Variants in ZDHHC14 observed in about 807,000 individuals in gnomAD.
ZDHHC14 encodes the protein zDHHC palmitoyltransferase 14.
A neutral mutation model predicts 47.7 loss-of-function variants in ZDHHC14; 16 were observed. The ratio of observed to expected loss-of-function variants is 0.34; its 90% CI spans 0.23 to 0.51. The LOEUF (loss-of-function observed/expected upper bound fraction) is 0.51. Ranked by LOEUF, ZDHHC14 falls within the 20% of genes least tolerant of loss-of-function variation. The pLI is 0.97. For missense variants in ZDHHC14, 515 were observed against 662.5 expected (o/e 0.78, Z 2.44); for synonymous variants, 293 against 278.9 (o/e 1.05, Z -0.50).
chr6:157,445,910 T>A (rs1015156370), intron 1 of ZDHHC14, among the ~76,000 whole-genome samples: 1 of 152,136 alleles, frequency 6.6e-6, no homozygotes, highest in African/African-American at 2.4e-5. Context: ...CAGGGCAAAG[T>A]CATCGCTGGG....
rs1441905677 is a variant in ZDHHC14 at position 157,381,726 on chromosome 6, C to A, written c.-296C>A. The A allele has an allele frequency of 2.8e-5, 4 of 145,110 alleles. No individual in the cohort carries two copies. The highest frequency in any genetic ancestry group is 1.5e-5 in the Non-Finnish European group (1 of 65,398). 9.0% of individuals were successfully genotyped at this position (145,110 alleles called of 1,614,324 possible). A position where few individuals can be genotyped will look rare whatever the true frequency, so the allele number is the denominator to read the frequency against. Reference sequence around the variant, plus strand: ...GGCGCTCGGCGACCCGGGGGCCGGCCGGGCTGAGCCCCGCGCCCCGGGACG... The same window carrying A: ...GGCGCTCGGCGACCCGGGGGCCGGCAGGGCTGAGCCCCGCGCCCCGGGACG... On this transcript the variant is annotated 5_prime_UTR_variant, in exon 1 of 9. Transcript: ENST00000359775.
Position 157,501,456 on chromosome 6 carries a change from T to C in ZDHHC14, c.246-41129T>C, listed in dbSNP as rs1422781995. ...AATCTGTTGTATTCTAAATTAGCTG[T>C]ATCTTTCTTATTCTTTAAGATTGCA... On this transcript the variant is annotated intron_variant, in intron 1 of 8. Coordinates refer to ENST00000359775, the MANE Select transcript of ZDHHC14 (RefSeq NM_024630.3). Among the ~76,000 whole-genome samples, 5 of 149,672 alleles carry C rather than the reference T, an allele frequency of 3.3e-5. No individual in the cohort carries two copies. In the East Asian group the frequency reaches 7.7e-4, roughly 23 times the overall value.
chr6:157,662,744 C>T (rs1778398789), intron 8 of ZDHHC14, among the ~76,000 whole-genome samples: 1 of 152,156 alleles, frequency 6.6e-6, no homozygotes, highest in Non-Finnish European at 1.5e-5. Context: ...ATCTGTGAAC[C>T]CAGAGACAGA....
chr6:157,633,438 C>A (rs1321241259), intron 5 of ZDHHC14, among the ~76,000 whole-genome samples: 1 of 152,146 alleles, frequency 6.6e-6, no homozygotes, highest in East Asian at 1.9e-4. Context: ...TCCTCCCAAG[C>A]ATAAATATGG....
chr6:157,592,794 C>G, intron 2 of ZDHHC14, 194 bp from the exon 3 acceptor site: 1 of 1,407,886 alleles, frequency 7.1e-7, no homozygotes, highest in Non-Finnish European at 9.3e-7. Flanking sequence ...GGCCCCTGCA[C>G]GTGTGCAACG....
chr6:157,431,431 A>G (rs1041610405), intron 1 of ZDHHC14, among the ~76,000 whole-genome samples: 1 of 152,212 alleles, frequency 6.6e-6, no homozygotes, highest in Non-Finnish European at 1.5e-5. Context: ...CATAGTGCCC[A>G]TGTCCCATAT....
intron 2 of ZDHHC14, among the ~76,000 whole-genome samples, chr6:157,561,750 C>A (rs933693117): frequency 3.9e-5 from 6 of 152,132 alleles, no homozygotes; most frequent in African/African-American, 1.4e-4. Context: ...TAACCTCCAC[C>A]TCCTGGTTTC....
At chr6:157,424,652 G>A (rs1778180204) in intron 1 of ZDHHC14, among the ~76,000 whole-genome samples, 1 of 152,194 alleles carries the variant, frequency 6.6e-6, no homozygotes, top group African/African-American at 2.4e-5. Context: ...TGGGGGCCCA[G>A]AAACCCTGCC....
At position 157,402,712 on chromosome 6, in the gene ZDHHC14, G is replaced by A. The variant is rs192290166; in HGVS notation, c.245+20446G>A. 6.6e-5 allele frequency among the ~76,000 whole-genome samples: 10 copies of A among 152,236 alleles called. No individual in the cohort carries two copies. The East Asian group carries it at 1.9e-3, about 29-fold the overall frequency. ...TCATTTGAAGATATTAATATTCTCAGACTGGCGATGTACCTCCTCCTTTTC... is the reference window on the plus strand; with the variant it reads ...TCATTTGAAGATATTAATATTCTCAAACTGGCGATGTACCTCCTCCTTTTC... On this transcript the variant is annotated intron_variant, in intron 1 of 8. Coordinates refer to ENST00000359775, the MANE Select transcript of ZDHHC14 (RefSeq NM_024630.3).
intron 1 of ZDHHC14, among the ~76,000 whole-genome samples, chr6:157,412,883 G>T (rs1777899638): frequency 6.6e-6 from 1 of 152,208 alleles, no homozygotes; most frequent in Non-Finnish European, 1.5e-5. Context: ...CCATGAGAAA[G>T]AAGAAAGGCT....
At chr6:157,604,468 A>G (rs1784452526) in intron 3 of ZDHHC14, among the ~76,000 whole-genome samples, 1 of 152,172 alleles carries the variant, frequency 6.6e-6, no homozygotes, top group Non-Finnish European at 1.5e-5. Flanking sequence ...TGTGTTTACT[A>G]GAACAATACA....
chr6:157,517,477 A>G (rs1780738529), intron 1 of ZDHHC14, among the ~76,000 whole-genome samples: 1 of 151,958 alleles, frequency 6.6e-6, no homozygotes, highest in Non-Finnish European at 1.5e-5. Flanking sequence ...ACCTGGCTTA[A>G]TTTTGTATTT....
chr6:157,386,938 G>A (rs1777322682), intron 1 of ZDHHC14, among the ~76,000 whole-genome samples: 1 of 152,062 alleles, frequency 6.6e-6, no homozygotes, highest in African/African-American at 2.4e-5. Context: ...TGCTCACTGG[G>A]GCAGAATGAA....
chr6:157,633,222 A>C (rs1252036159), intron 5 of ZDHHC14, among the ~76,000 whole-genome samples: 1 of 152,170 alleles, frequency 6.6e-6, no homozygotes, highest in Non-Finnish European at 1.5e-5. Context: ...CACACAGAAC[A>C]TGTAGGGATG....
intron 2 of ZDHHC14, among the ~76,000 whole-genome samples, chr6:157,577,754 T>G (rs1458861741): frequency 6.6e-6 from 1 of 152,234 alleles, no homozygotes; most frequent in Non-Finnish European, 1.5e-5. Flanking sequence ...TTTACCACGT[T>G]GGCCAGGATG....
At chr6:157,585,379 A>T (rs1356161858) in intron 2 of ZDHHC14, among the ~76,000 whole-genome samples, 1 of 151,296 alleles carries the variant, frequency 6.6e-6, no homozygotes, top group Non-Finnish European at 1.5e-5. Flanking sequence ...GCAGAGGCAC[A>T]ACTGTTACCA....
At chr6:157,671,816 CCAAA>C (rs1333894534) in intron 8 of ZDHHC14, among the ~76,000 whole-genome samples, 6 of 152,294 alleles carry the variant, frequency 3.9e-5, no homozygotes, top group Admixed American at 6.5e-5. Flanking sequence ...TAGGCTTTTA[CCAAA>C]CAGTCTTTTC....
chr6:157,462,249 G>A (rs1368035884), intron 1 of ZDHHC14, among the ~76,000 whole-genome samples: 1 of 152,134 alleles, frequency 6.6e-6, no homozygotes, highest in South Asian at 2.1e-4. Flanking sequence ...TAGCTCTGGG[G>A]TTTCAGAGTT....
chr6:157,598,557 G>C (rs1372864116), intron 3 of ZDHHC14, among the ~76,000 whole-genome samples: 1 of 152,070 alleles, frequency 6.6e-6, no homozygotes, highest in Non-Finnish European at 1.5e-5. Context: ...ATATTACACA[G>C]GTTAAAGAGT....
Sources: gnomAD v4.1 joint callset for allele counts (sites outside exome capture counted in the v4.1 genomes callset) on GRCh38, gnomAD v4.1.1 for gene constraint, MANE v1.5 for transcripts, NCBI Gene and HGNC (gene_info 2026-07-23, HGNC 2026-07-21) for gene names.